The following PIP5K1B variants were observed in gnomAD, a reference collection of about 807,000 sequenced individuals.
PIP5K1B encodes the protein phosphatidylinositol 4-phosphate 5-kinase type-1 beta.
PIP5K1B carries 42 observed loss-of-function variants against 67.0 expected under a neutral mutation model. The observed-to-expected ratio is 0.63, with a 90% confidence interval of 0.49 to 0.81. The LOEUF (loss-of-function observed/expected upper bound fraction) is 0.81. Ranked by LOEUF, PIP5K1B falls within the 30% of genes least tolerant of loss-of-function variation. The pLI is 0.00. For synonymous variants in PIP5K1B, 214 were observed against 231.4 expected, an observed-to-expected ratio of 0.92 and a Z score of 0.68; for missense variants, 459 against 646.3, an observed-to-expected ratio of 0.71 and a Z score of 3.14.
At chr9:68,867,587 A>G (rs1823424003) in intron 5 of PIP5K1B, among the ~76,000 whole-genome samples, 1 of 152,236 alleles carries the variant, frequency 6.6e-6, no homozygotes, top group Non-Finnish European at 1.5e-5. Flanking sequence ...GTAGCAGTCA[A>G]AAAACCCCTA....
rs543506528 is a variant in PIP5K1B, at chr9:69,000,260, T to G, written c.1621-8187T>G. On this transcript the variant is annotated intron_variant, in intron 15 of 15. Transcript: ENST00000265382. ...GGAGAAAGCCATTCTTCACCTTCGG[T>G]CTTCCACAGGTCCTCGCCTACAGCC... is the stretch of plus-strand genomic sequence containing the variant. Among the ~76,000 whole-genome samples, 3 of 152,146 alleles carry G rather than the reference T, an allele frequency of 2.0e-5. No homozygotes were observed. The South Asian group carries it at 6.2e-4, about 31-fold the overall frequency.
chr9:68,819,514 C>T (rs1390607973), intron 3 of PIP5K1B, among the ~76,000 whole-genome samples: 1 of 152,200 alleles, frequency 6.6e-6, no homozygotes, highest in African/African-American at 2.4e-5. Context: ...CTAAAGCAAT[C>T]ATCCCATCCT....
intron 13 of PIP5K1B, among the ~76,000 whole-genome samples, chr9:68,935,322 G>T (rs558118020): frequency 6.6e-6 from 1 of 152,148 alleles, no homozygotes; most frequent in African/African-American, 2.4e-5. Context: ...CAAAAAATTA[G>T]TCAGGCGTGA....
chr9:68,905,834 A>G (rs745390782), intron 8 of PIP5K1B, among the ~76,000 whole-genome samples: 2 of 152,196 alleles, frequency 1.3e-5, no homozygotes, highest in Non-Finnish European at 2.9e-5. Context: ...TACTTTGGAC[A>G]TCCAGTGGTT....
At chr9:68,864,407 TATCTC>T (rs1375959949) in intron 5 of PIP5K1B, among the ~76,000 whole-genome samples, 2 of 152,244 alleles carry the variant, frequency 1.3e-5, no homozygotes, top group African/African-American at 4.8e-5. Flanking sequence ...AGTTTAGTCT[TATCTC>T]TTCTCTTTTA....
intron 15 of PIP5K1B, among the ~76,000 whole-genome samples, chr9:69,005,688 A>G (rs1831045602): frequency 6.6e-6 from 1 of 152,098 alleles, no homozygotes; most frequent in South Asian, 2.1e-4. Flanking sequence ...CTTTACAGAC[A>G]ATTTTTAATG....
At chr9:68,926,935 C>T (rs1275779141) in intron 12 of PIP5K1B, among the ~76,000 whole-genome samples, 1 of 152,150 alleles carries the variant, frequency 6.6e-6, no homozygotes, top group Non-Finnish European at 1.5e-5. Context: ...AGCAGTCACT[C>T]CCCATTCCGT....
chr9:68,920,359 C>CCT (rs1826307162), intron 11 of PIP5K1B, among the ~76,000 whole-genome samples: 1 of 98,308 alleles, frequency 1.0e-5, no homozygotes, highest in African/African-American at 3.6e-5. Flanking sequence ...CTGAGGTTGT[C>CCT]TTTTTTTTTT....
chr9:68,788,103 A>C (rs1031243288), intron 2 of PIP5K1B, among the ~76,000 whole-genome samples: 3 of 152,208 alleles, frequency 2.0e-5, no homozygotes. Context: ...GTCCTTGAGA[A>C]CTGGTTTTGC....
chr9:68,962,216 G>T (rs930489678), intron 14 of PIP5K1B, among the ~76,000 whole-genome samples: 1 of 152,032 alleles, frequency 6.6e-6, no homozygotes, highest in African/African-American at 2.4e-5. Context: ...GGAAAAAAAA[G>T]ACATTAAATA....
chr9:68,838,698 G>A (rs747380240), intron 4 of PIP5K1B, among the ~76,000 whole-genome samples: 4 of 151,976 alleles, frequency 2.6e-5, no homozygotes, highest in African/African-American at 4.8e-5. Flanking sequence ...CCTCAGCATC[G>A]CACATTATAC....
intron 1 of PIP5K1B, among the ~76,000 whole-genome samples, chr9:68,735,512 C>G (rs949298836): frequency 6.6e-6 from 1 of 151,848 alleles, no homozygotes; most frequent in Non-Finnish European, 1.5e-5. Flanking sequence ...CCTTAGCCTC[C>G]CAAGTAGCTG....
chr9:68,959,420 T>G (rs909511279), intron 14 of PIP5K1B, among the ~76,000 whole-genome samples: 5 of 152,204 alleles, frequency 3.3e-5, no homozygotes, highest in Admixed American at 1.3e-4. Flanking sequence ...CTTCCAGGAC[T>G]ATTATTAAAA....
chr9:68,864,066 T>A, intron 5 of PIP5K1B, 99 bp downstream of exon 5: 1 of 1,138,050 alleles, frequency 8.8e-7, no homozygotes, highest in Non-Finnish European at 1.3e-6. Flanking sequence ...TGTTTATATG[T>A]ACAGATGTGA....
chr9:68,917,932 G>C (rs898785170), intron 9 of PIP5K1B, among the ~76,000 whole-genome samples, 173 bp downstream of exon 9: 1 of 152,144 alleles, frequency 6.6e-6, no homozygotes, highest in Non-Finnish European at 1.5e-5. Context: ...AACTAGATGA[G>C]TGGCAGTTTC....
At chr9:68,872,814 A>C (rs1426341356) in intron 5 of PIP5K1B, among the ~76,000 whole-genome samples, 1 of 152,250 alleles carries the variant, frequency 6.6e-6, no homozygotes, top group Non-Finnish European at 1.5e-5. Flanking sequence ...TCAGTACATA[A>C]TAAGCACCCT....
intron 14 of PIP5K1B, among the ~76,000 whole-genome samples, chr9:68,975,632 T>A (rs1222996897): frequency 6.6e-6 from 1 of 152,204 alleles, no homozygotes; most frequent in Non-Finnish European, 1.5e-5. Context: ...TACCATGAAC[T>A]GGATGGCTTA....
intron 15 of PIP5K1B, among the ~76,000 whole-genome samples, chr9:69,000,939 C>A (rs1830798210): frequency 6.6e-6 from 1 of 151,694 alleles, no homozygotes; most frequent in African/African-American, 2.4e-5. Flanking sequence ...CCTCTGTCAC[C>A]CAGGCTGGAG....
At chr9:68,994,025 G>GT (rs1391099008) in intron 15 of PIP5K1B, among the ~76,000 whole-genome samples, 1 of 139,152 alleles carries the variant, frequency 7.2e-6, no homozygotes, top group Non-Finnish European at 1.6e-5. Context: ...TTCTTTCACT[G>GT]TTTTTTCCTG....
Sources: allele counts gnomAD v4.1 joint callset (sites outside exome capture counted in the v4.1 genomes callset), GRCh38; gene constraint gnomAD v4.1.1; transcripts MANE v1.5; gene names NCBI Gene and HGNC (gene_info 2026-07-23, HGNC 2026-07-21).